The following BPTF variants were observed in gnomAD, a reference collection of about 807,000 sequenced individuals.
BPTF encodes bromodomain PHD finger transcription factor.
In BPTF, 18 loss-of-function variants were observed where a neutral mutation model predicts 292.5. That is an observed-to-expected ratio of 0.06 (90% CI 0.04 to 0.09). The LOEUF (loss-of-function observed/expected upper bound fraction) is 0.09. Among genes scored for constraint, BPTF ranks in the 10% least tolerant of loss-of-function variants. The pLI, the probability that BPTF is intolerant of heterozygous loss-of-function variation, is 1.00. For missense variants in BPTF, 2,726 were observed against 3,498.7 expected (o/e 0.78, Z 5.57); for synonymous variants, 1,225 against 1,251.9 (o/e 0.98, Z 0.45).
intron 24 of BPTF, among the ~76,000 whole-genome samples, chr17:67,961,275 AT>A (rs1555683868): frequency 6.6e-6 from 1 of 152,070 alleles, no homozygotes; most frequent in East Asian, 1.9e-4. Flanking sequence ...ATTTTGTGTT[AT>A]TTTATATTTT....
At position 67,982,380 on chromosome 17, in the gene BPTF, A is replaced by G. The variant is rs1245208423; in HGVS notation, c.*92A>G. On this transcript the variant is annotated 3_prime_UTR_variant, in exon 28 of 28. Coordinates refer to ENST00000306378, the MANE Select transcript of BPTF (RefSeq NM_182641.4). The stretch of plus-strand genomic sequence containing the variant: ...GGAGCCAGATGTTTTTAGTCAGGCT[A>G]TCCTGACAAGACTTGACCTAAACTT... The G allele has an allele frequency of 1.2e-5, 15 of 1,247,352 alleles. No homozygotes were observed. Among genetic ancestry groups the G allele is most frequent in the East Asian group, 2.3e-5 (1 of 42,720 alleles). 77.3% of individuals were successfully genotyped at this position (1,247,352 alleles called of 1,614,324 possible).
intron 19 of BPTF, 146 bp from the exon 20 acceptor site, chr17:67,944,004 A>C (rs1196174126): frequency 5.8e-6 from 4 of 686,108 alleles, no homozygotes; most frequent in Non-Finnish European, 9.9e-6. Flanking sequence ...TTCTTACTTT[A>C]GCTTATCTAA....
Position 67,874,990 on chromosome 17 carries a change from G to A in BPTF, c.1834G>A (p.Asp612Asn). Residue 612 changes from aspartate to asparagine, a missense_variant, in exon 4 of 28, where the codon GAT becomes AAT. Physicochemically the swap from Asp to Asn is conservative, Grantham distance 23. Around this residue, in one of 22 missense-constraint regions of BPTF, gnomAD observed 187 missense variants for 201.5 expected, o/e 0.93. Coordinates refer to ENST00000306378, the MANE Select transcript of BPTF (RefSeq NM_182641.4). ...LEKDSDDKTPDDDPEQGKSEV... is the reference protein window; with the variant it reads ...LEKDSDDKTPNDDPEQGKSEV... ...AAAAGACAGTGACGACAAAACACCA[G>A]ATGATGACCCTGAGCAAGGAAAATC... 6.2e-7 allele frequency: 1 copy of A among 1,613,514 alleles called. No homozygotes were observed. The highest frequency in any genetic ancestry group is 2.2e-5 in the East Asian group (1 of 44,802).
intron 2 of BPTF, among the ~76,000 whole-genome samples, chr17:67,865,172 G>A (rs989679319): frequency 6.6e-6 from 1 of 152,108 alleles, no homozygotes; most frequent in African/African-American, 2.4e-5. Flanking sequence ...CGGCATGTTG[G>A]CACTCAAAAA....
chr17:67,835,941 A>T (rs2057099502), intron 1 of BPTF, among the ~76,000 whole-genome samples: 1 of 152,186 alleles, frequency 6.6e-6, no homozygotes, highest in Admixed American at 6.5e-5. Context: ...CTGGGATTAC[A>T]GGCGTGAGCC....
At chr17:67,898,747 G>A (rs571601739) in intron 7 of BPTF, among the ~76,000 whole-genome samples, 5 of 149,946 alleles carry the variant, frequency 3.3e-5, no homozygotes, top group Admixed American at 3.3e-4. Flanking sequence ...TAACATTCAG[G>A]TGGAACAAAA....
intron 26 of BPTF, among the ~76,000 whole-genome samples, chr17:67,971,077 G>T (rs1347558137): frequency 6.6e-6 from 1 of 151,588 alleles, no homozygotes; most frequent in Admixed American, 6.6e-5. Context: ...TAGCGGGGAT[G>T]TAGTATACTT....
intron 27 of BPTF, among the ~76,000 whole-genome samples, chr17:67,976,486 T>TA (rs2069434371): frequency 6.6e-6 from 1 of 151,800 alleles, no homozygotes; most frequent in Non-Finnish European, 1.5e-5. Context: ...GGGGGGAACA[T>TA]CCCAGCCTTG....
Position 67,909,583 on chromosome 17 carries a change from CA to C in BPTF, c.2819del (p.Asn940IlefsTer22). 6.6e-7 allele frequency: 1 copy of C among 1,520,678 alleles called. No homozygotes were observed. Among genetic ancestry groups the C allele is most frequent in the Non-Finnish European group, 8.8e-7 (1 of 1,135,560 alleles). 94.2% of individuals were successfully genotyped at this position (1,520,678 alleles called of 1,614,324 possible). A position where few individuals can be genotyped will look rare whatever the true frequency, so the allele number is the denominator to read the frequency against. On this transcript the variant is annotated frameshift_variant and splice_region_variant, in exon 10 of 28. Coordinates refer to ENST00000306378, the MANE Select transcript of BPTF (RefSeq NM_182641.4). LOFTEE classifies it high-confidence loss of function. ...TTATCGTTACATGGTTCTTTTTAGC[CA>C]AAAATAATATGGATGAAAATATGGA... is the stretch of plus-strand genomic sequence containing the variant. ...VNYRKSLEGT[K>X]NNMDENMDES...
chr17:67,844,332 C>CT (rs921853085), intron 1 of BPTF, among the ~76,000 whole-genome samples: 8 of 151,254 alleles, frequency 5.3e-5, no homozygotes, highest in African/African-American at 1.7e-4. Flanking sequence ...ACTGCAAGCT[C>CT]TATCTCCTAG....
At chr17:67,875,379 C>T (rs1425363282) in intron 4 of BPTF, among the ~76,000 whole-genome samples, 1 of 152,002 alleles carries the variant, frequency 6.6e-6, no homozygotes, top group East Asian at 1.9e-4. Flanking sequence ...ATTAAATATT[C>T]TTAAATACTC....
At chr17:67,895,728 C>G (rs2061398646) in intron 7 of BPTF, among the ~76,000 whole-genome samples, 1 of 152,102 alleles carries the variant, frequency 6.6e-6, no homozygotes, top group South Asian at 2.1e-4. Context: ...TACCGGAGTG[C>G]TGGGATTACA....
At chr17:67,951,470 G>GT (rs2066349875) in intron 23 of BPTF, 1 of 152,150 alleles carries the variant, frequency 6.6e-6, no homozygotes, top group African/African-American at 2.4e-5. Flanking sequence ...GAACAAGCCA[G>GT]TTTACACACT....
chr17:67,936,467 A>G (rs1367096186), intron 18 of BPTF: 1 of 152,246 alleles, frequency 6.6e-6, no homozygotes, highest in African/African-American at 2.4e-5. Context: ...TGCTGGTATT[A>G]CTATGGATAC....
chr17:67,925,037 T>C (rs2063756758), intron 15 of BPTF, among the ~76,000 whole-genome samples: 1 of 149,564 alleles, frequency 6.7e-6, no homozygotes, highest in Admixed American at 6.6e-5. Flanking sequence ...GTGTGAGCCA[T>C]TGCACCCATC....
intron 3 of BPTF, among the ~76,000 whole-genome samples, chr17:67,869,455 A>G (rs971282212): frequency 6.6e-6 from 1 of 152,230 alleles, no homozygotes. Flanking sequence ...ATTATGAATT[A>G]TCATGTGATA....
intron 27 of BPTF, among the ~76,000 whole-genome samples, chr17:67,976,745 A>G (rs2069528762): frequency 6.6e-6 from 1 of 150,752 alleles, no homozygotes; most frequent in Non-Finnish European, 1.5e-5. Flanking sequence ...TCCTGAGCTG[A>G]TGATTGTCAC....
intron 4 of BPTF, among the ~76,000 whole-genome samples, chr17:67,882,230 T>C (rs2145961322): frequency 6.6e-6 from 1 of 152,298 alleles, no homozygotes; most frequent in African/African-American, 2.4e-5. Flanking sequence ...CAAGAAGTCC[T>C]GGTTCCTTTT....
At chr17:67,855,523 C>T (rs1264821874) in intron 2 of BPTF, among the ~76,000 whole-genome samples, 1 of 152,112 alleles carries the variant, frequency 6.6e-6, no homozygotes, top group Non-Finnish European at 1.5e-5. Flanking sequence ...TGGTTGGAAT[C>T]CCCCAGGAGA....
Sources: gnomAD v4.1 joint callset for allele counts (sites outside exome capture counted in the v4.1 genomes callset) on GRCh38, gnomAD v4.1.1 for gene constraint, gnomAD v4.1.1 regional missense constraint, MANE v1.5 for transcripts, NCBI Gene and HGNC (gene_info 2026-07-23, HGNC 2026-07-21) for gene names.